Variants in TREM1 observed in about 807,000 individuals in gnomAD.
TREM1 encodes triggering receptor expressed on monocytes 1.
Under a neutral mutation model 22.4 loss-of-function variants are expected in TREM1, and 16 were observed. That is an observed-to-expected ratio of 0.71 (90% confidence interval 0.48 to 1.08). The LOEUF is 1.08. TREM1 is among the 50% of genes least tolerant of loss of function. The pLI is 0.00. For synonymous variants in TREM1, 110 were observed against 111.6 expected (o/e 0.99, Z 0.09); for missense variants, 283 against 282.9 (o/e 1.00, Z 0.00).
chr6:41,276,091 G>A lies in TREM1; in HGVS notation c.*34C>T. The stretch of plus-strand genomic sequence containing the variant: ...GCACAACTGCCAGATGGATGTGGCT[G>A]GAAGTCAGAGGACATTCTCGTGGGT... On this transcript the variant is annotated 3_prime_UTR_variant, in exon 4 of 4. Transcript: ENST00000244709. 6.5e-7 allele frequency: 1 copy of A among 1,541,874 alleles called. No homozygotes were observed. The highest frequency in any genetic ancestry group is 9.0e-7 in the Non-Finnish European group (1 of 1,114,336).
downstream of TREM1, among the ~76,000 whole-genome samples, chr6:41,270,446 AATATATATATATATAT>A (rs68021402): frequency 9.0e-5 from 13 of 144,008 alleles, 1 homozygote; most frequent in African/African-American, 2.8e-4. Context: ...GATATTATAT[AATATATATATATATAT>A]ATATATATAT....
chr6:41,276,144 A>G lies in TREM1; in HGVS notation c.686T>C (p.Leu229Pro), dbSNP rs1346596722. ...GTGGGCCTAGGGTACAAATGACCTCAGCGTGACAGCAAACAGGACAGAGAA... is the reference window on the plus strand; with the variant it reads ...GTGGGCCTAGGGTACAAATGACCTCGGCGTGACAGCAAACAGGACAGAGAA... ...LVFSVLFAVT[L>P]RSFVP Residue 229 changes from leucine to proline, a missense_variant, in exon 4 of 4, where the codon CTG becomes CCG. Transcript: ENST00000244709. 3 of 1,614,020 alleles carry G rather than the reference A, an allele frequency of 1.9e-6. No individual in the cohort carries two copies. Among genetic ancestry groups the G allele is most frequent in the Non-Finnish European group, 2.5e-6 (3 of 1,179,994 alleles).
At chr6:41,281,312 C>T in intron 2 of TREM1, 159 bp from the exon 3 acceptor site, 2 of 826,142 alleles carry the variant, frequency 2.4e-6, no homozygotes, top group East Asian at 2.7e-5. Flanking sequence ...ATGAGCATGG[C>T]CCAAATGCAA....
intron 2 of TREM1, 96 bp downstream of exon 2, chr6:41,282,299 C>A: frequency 1.0e-6 from 1 of 962,786 alleles, no homozygotes; most frequent in Non-Finnish European, 1.6e-6. Context: ...GGAAGACAGA[C>A]TGCTGGGAAT....
chr6:41,281,275 G>T, intron 2 of TREM1, 122 bp from the exon 3 acceptor site: 1 of 1,167,674 alleles, frequency 8.6e-7, no homozygotes. Flanking sequence ...CGGGTAGGTG[G>T]TACGGTAAAT....
At chr6:41,272,163 AAG>A (rs1274778211), downstream of TREM1, among the ~76,000 whole-genome samples, 1 of 152,060 alleles carries the variant, frequency 6.6e-6, no homozygotes, top group Admixed American at 6.5e-5. Flanking sequence ...GATGCAGAAA[AAG>A]AGAGGCAGGC....
rs938308815 is a variant in TREM1, at chr6:41,275,312, T to C, written c.*813A>G. 1 of 152,108 alleles carries C rather than the reference T, an allele frequency of 6.6e-6. No individual in the cohort carries two copies. Among genetic ancestry groups the C allele is most frequent in the African/African-American group, 2.4e-5 (1 of 41,416 alleles). The allele number at this position is 152,108 out of a possible 1,614,324, so 9.4% of individuals were successfully genotyped here. A position where few individuals can be genotyped will look rare whatever the true frequency, so the allele number is the denominator to read the frequency against. On this transcript the variant is annotated 3_prime_UTR_variant, in exon 4 of 4. Transcript: ENST00000244709. ...CGGAACTCCTGGTTATTCTATTCTA[T>C]ATGGTTTTGGGGTCCTTCAGGTAAG...
chr6:41,280,550 G>T, intron 3 of TREM1: 1 of 1,116,124 alleles, frequency 9.0e-7, no homozygotes, highest in Admixed American at 4.5e-5. Context: ...TGTCAAAGAA[G>T]CTAAAGCCAG....
chr6:41,273,409 G>A (rs1351022718), downstream of TREM1, among the ~76,000 whole-genome samples: 3 of 152,162 alleles, frequency 2.0e-5, no homozygotes, highest in Non-Finnish European at 4.4e-5. Context: ...GCATGGTTAG[G>A]CACTATCATG....
intron 1 of TREM1, among the ~76,000 whole-genome samples, chr6:41,286,373 G>A (rs1192226143): frequency 6.6e-6 from 1 of 152,122 alleles, no homozygotes; most frequent in Non-Finnish European, 1.5e-5. Flanking sequence ...GGCTTTGCAT[G>A]TCTCTAACAA....
At chr6:41,283,993 A>G (rs7775562) in intron 1 of TREM1, among the ~76,000 whole-genome samples, 8,735 of 151,930 alleles carry the variant, frequency 0.057, 698 homozygotes, top group African/African-American at 0.18. Context: ...AGTGGAGGGG[A>G]GAGAAAGAAA....
In TREM1 at chr6:41,280,714, T is replaced by C. The variant is rs1462180443; in HGVS notation, c.599+247A>G. 1.0e-5 allele frequency: 15 copies of C among 1,433,874 alleles called. No homozygotes were observed. The East Asian group carries it at 3.3e-4, about 31-fold the overall frequency. 88.8% of individuals were successfully genotyped at this position (1,433,874 alleles called of 1,614,324 possible). A position where few individuals can be genotyped will look rare whatever the true frequency, so the allele number is the denominator to read the frequency against. On this transcript the variant is annotated intron_variant, in intron 3 of 3. Transcript: ENST00000244709. The stretch of plus-strand genomic sequence containing the variant: ...TGGGGAAGATGCCATTTCCCTCTCT[T>C]TAATACTCAGGTTGCAAGGAAACAA...
At chr6:41,278,215 A>C (rs6909482) in intron 3 of TREM1, among the ~76,000 whole-genome samples, 110,991 of 151,700 alleles carry the variant, frequency 0.73, 41,445 homozygotes, top group African/African-American at 0.89. Context: ...TGTGAGCCAC[A>C]ACACCTAGTC....
intron 3 of TREM1, among the ~76,000 whole-genome samples, chr6:41,278,685 A>G (rs1035948220): frequency 7.2e-5 from 11 of 152,078 alleles, no homozygotes; most frequent in Admixed American, 1.3e-4. Context: ...AAAAGAAAAA[A>G]AGCTTCTTCT....
downstream of TREM1, chr6:41,270,192 C>T (rs1767438948): frequency 1.3e-5 from 2 of 152,226 alleles, no homozygotes; most frequent in Admixed American, 1.3e-4. Context: ...CTAGCAGGCA[C>T]ATTTGCTCCT....
At position 41,282,226 on chromosome 6, in the gene TREM1, T is replaced by A. The variant is rs1767949792; in HGVS notation, c.406+169A>T. 10 of 601,758 alleles carry A rather than the reference T, an allele frequency of 1.7e-5. No homozygotes were observed. The South Asian group carries it at 2.2e-4, about 13-fold the overall frequency. 37.3% of individuals were successfully genotyped at this position (601,758 alleles called of 1,614,324 possible). A position where few individuals can be genotyped will look rare whatever the true frequency, so the allele number is the denominator to read the frequency against. On this transcript the variant is annotated intron_variant, in intron 2 of 3. Coordinates refer to ENST00000244709, the MANE Select transcript of TREM1 (RefSeq NM_018643.5). ...ATTAGGCTGTGCTATCCAAGGAGAA[T>A]CTCATGCATGGAAGGTTCTACTTAC... is the stretch of plus-strand genomic sequence containing the variant.
chr6:41,283,096 G>A (rs1017156021), intron 1 of TREM1, among the ~76,000 whole-genome samples: 18 of 152,158 alleles, frequency 1.2e-4, no homozygotes, highest in Admixed American at 6.5e-4. Flanking sequence ...CAGCATGGTG[G>A]GAGGGATCGA....
Position 41,282,378 on chromosome 6 carries a change from A to G in TREM1, c.406+17T>C, listed in dbSNP as rs376497957. The G allele has an allele frequency of 1.6e-5, 25 of 1,584,700 alleles. No homozygotes were observed. The highest frequency in any genetic ancestry group is 1.1e-4 in the African/African-American group (8 of 74,494). Reference sequence around the variant, plus strand: ...CTCACCTGGCCCTTCTTTCCCCCCAAGTCCCAGGCCACTCACCCTTGGTCA... The same window carrying G: ...CTCACCTGGCCCTTCTTTCCCCCCAGGTCCCAGGCCACTCACCCTTGGTCA... On this transcript the variant is annotated intron_variant, in intron 2 of 3. Transcript: ENST00000244709.
intron 1 of TREM1, among the ~76,000 whole-genome samples, chr6:41,283,418 C>G (rs1428698250): frequency 6.6e-6 from 1 of 152,186 alleles, no homozygotes; most frequent in Non-Finnish European, 1.5e-5. Flanking sequence ...AATCCAAGTA[C>G]CCCATCTCGG....
Sources: allele counts gnomAD v4.1 joint callset (sites outside exome capture counted in the v4.1 genomes callset), GRCh38; gene constraint gnomAD v4.1.1; transcripts MANE v1.5; gene names NCBI Gene and HGNC (gene_info 2026-07-23, HGNC 2026-07-21).